Variants in ZNF804A observed in about 807,000 individuals in gnomAD.
ZNF804A encodes the protein zinc finger protein 804A.
In ZNF804A, 2 loss-of-function variants were observed where a neutral mutation model predicts 16.5. The observed-to-expected ratio is 0.12, with a 90% confidence interval of 0.05 to 0.38. The LOEUF (loss-of-function observed/expected upper bound fraction) is 0.38, where lower values mean the gene tolerates loss of function less well. Among genes scored for constraint, ZNF804A ranks in the 10% least tolerant of loss-of-function variants. The pLI, the probability that ZNF804A is intolerant of heterozygous loss-of-function variation, is 0.99. For missense variants in ZNF804A, 1,473 were observed against 1,390.7 expected (o/e 1.06, Z -0.94); for synonymous variants, 534 against 489.6 (o/e 1.09, Z -1.20).
At chr2:184,653,209 A>G (rs1692017226) in intron 1 of ZNF804A, among the ~76,000 whole-genome samples, 1 of 152,218 alleles carries the variant, frequency 6.6e-6, no homozygotes, top group South Asian at 2.1e-4. Context: ...TTGGGAATTC[A>G]AACAACAACC....
At chr2:184,751,581 G>A (rs1241084931) in intron 1 of ZNF804A, among the ~76,000 whole-genome samples, 1 of 150,762 alleles carries the variant, frequency 6.6e-6, no homozygotes, top group East Asian at 2.0e-4. Context: ...AACATACAAG[G>A]ATTCATGATG....
intron 1 of ZNF804A, among the ~76,000 whole-genome samples, chr2:184,693,655 C>A (rs979908875): frequency 2.0e-5 from 3 of 151,900 alleles, no homozygotes; most frequent in African/African-American, 7.3e-5. Context: ...AATTTAAATC[C>A]ACTTAAAAAG....
chr2:184,688,389 A>G (rs1294277677), intron 1 of ZNF804A, among the ~76,000 whole-genome samples: 1 of 151,540 alleles, frequency 6.6e-6, no homozygotes, highest in Non-Finnish European at 1.5e-5. Flanking sequence ...TCTCCAAAGT[A>G]TAGCAATACA....
At chr2:184,856,824 T>C (rs142428638) in intron 1 of ZNF804A, among the ~76,000 whole-genome samples, 1 of 152,130 alleles carries the variant, frequency 6.6e-6, no homozygotes, top group African/African-American at 2.4e-5. Context: ...TATCTCATTA[T>C]GTACATGCAC....
chr2:184,860,878 A>G (rs1181711324), intron 1 of ZNF804A, among the ~76,000 whole-genome samples: 1 of 152,226 alleles, frequency 6.6e-6, no homozygotes, highest in Non-Finnish European at 1.5e-5. Flanking sequence ...TGGCGCATTC[A>G]GGAGTCTTGG....
chr2:184,662,983 A>T (rs1424682642), intron 1 of ZNF804A, among the ~76,000 whole-genome samples: 1 of 152,228 alleles, frequency 6.6e-6, no homozygotes, highest in South Asian at 2.1e-4. Context: ...AGGTTACCAT[A>T]CAAGATATTT....
At chr2:184,933,837 G>C (rs1685743235) in intron 3 of ZNF804A, 104 bp downstream of exon 3, 2 of 1,179,284 alleles carry the variant, frequency 1.7e-6, no homozygotes, top group Non-Finnish European at 1.2e-6. Flanking sequence ...ACTGTACCCA[G>C]AATAAGGCAC....
intron 1 of ZNF804A, among the ~76,000 whole-genome samples, chr2:184,776,374 A>G (rs908792062): frequency 1.2e-4 from 18 of 151,576 alleles, no homozygotes; most frequent in Non-Finnish European, 2.2e-4. Flanking sequence ...TATAGATAGA[A>G]AAAAATCTAC....
At chr2:184,807,389 G>A (rs1694823713) in intron 1 of ZNF804A, among the ~76,000 whole-genome samples, 1 of 151,790 alleles carries the variant, frequency 6.6e-6, no homozygotes, top group Non-Finnish European at 1.5e-5. Flanking sequence ...GGGGTGAAGG[G>A]ATAGATGTGA....
intron 1 of ZNF804A, among the ~76,000 whole-genome samples, chr2:184,754,037 T>C (rs1171726308): frequency 1.3e-5 from 2 of 151,860 alleles, no homozygotes; most frequent in Non-Finnish European, 2.9e-5. Context: ...TCTCCATATC[T>C]GTATTTATGA....
At chr2:184,742,885 A>G (rs1693730830) in intron 1 of ZNF804A, among the ~76,000 whole-genome samples, 1 of 151,972 alleles carries the variant, frequency 6.6e-6, no homozygotes, top group Non-Finnish European at 1.5e-5. Flanking sequence ...ATCTGGTGAA[A>G]GTGAGCCATG....
chr2:184,656,466 A>T (rs1301959235), intron 1 of ZNF804A, among the ~76,000 whole-genome samples: 1 of 152,162 alleles, frequency 6.6e-6, no homozygotes, highest in Non-Finnish European at 1.5e-5. Flanking sequence ...TCTATGAAGA[A>T]ATTAAGCAAA....
chr2:184,604,637 C>T (rs1344045035), intron 1 of ZNF804A, among the ~76,000 whole-genome samples: 1 of 152,164 alleles, frequency 6.6e-6, no homozygotes, highest in African/African-American at 2.4e-5. Context: ...GAAGACACTT[C>T]TCCGTTTTCC....
At chr2:184,620,728 G>A (rs1241637231) in intron 1 of ZNF804A, among the ~76,000 whole-genome samples, 1 of 151,626 alleles carries the variant, frequency 6.6e-6, no homozygotes, top group East Asian at 1.9e-4. Flanking sequence ...GCAAAAAATT[G>A]TAAGTGAAAT....
intron 1 of ZNF804A, among the ~76,000 whole-genome samples, chr2:184,785,528 A>G (rs192873654): frequency 5.3e-4 from 80 of 152,176 alleles, no homozygotes; most frequent in African/African-American, 1.9e-3. Flanking sequence ...TAAAATGAAG[A>G]CAGTCTATTT....
chr2:184,761,951 G>A (rs1220612442), intron 1 of ZNF804A, among the ~76,000 whole-genome samples: 1 of 152,042 alleles, frequency 6.6e-6, no homozygotes, highest in Admixed American at 6.6e-5. Context: ...TCTGAAGAAG[G>A]CTATATTTTA....
intron 2 of ZNF804A, among the ~76,000 whole-genome samples, chr2:184,901,454 C>A (rs1685181364): frequency 6.6e-6 from 1 of 152,120 alleles, no homozygotes; most frequent in Admixed American, 6.6e-5. Context: ...AATGCTTCTA[C>A]ATTAGTAATG....
At chr2:184,888,637 G>A (rs1035724750) in intron 2 of ZNF804A, among the ~76,000 whole-genome samples, 3 of 152,124 alleles carry the variant, frequency 2.0e-5, no homozygotes, top group Non-Finnish European at 4.4e-5. Flanking sequence ...GAATCATGGA[G>A]TCCAGAACTA....
At chr2:184,703,550 C>T (rs193267634) in intron 1 of ZNF804A, among the ~76,000 whole-genome samples, 1 of 151,406 alleles carries the variant, frequency 6.6e-6, no homozygotes, top group Admixed American at 6.6e-5. Flanking sequence ...ATTAGCCGGG[C>T]GTGGTGGCGG....
Sources: gnomAD v4.1 joint callset for allele counts (sites outside exome capture counted in the v4.1 genomes callset) on GRCh38, gnomAD v4.1.1 for gene constraint, MANE v1.5 for transcripts, NCBI Gene and HGNC (gene_info 2026-07-23, HGNC 2026-07-21) for gene names.